Variants in NKX1-2 observed in about 807,000 individuals in gnomAD.
The protein encoded by NKX1-2 is NK1 homeobox 2, also known as NK1 transcription factor-related protein 2.
NKX1-2 carries 1 observed loss-of-function variant against 4.4 expected under a neutral mutation model. That is an observed-to-expected ratio of 0.23 (90% CI 0.08 to 1.08). The LOEUF is 1.08. Ranked by LOEUF, NKX1-2 falls within the 50% of genes least tolerant of loss-of-function variation. NKX1-2 has a pLI of 0.55. For synonymous variants in NKX1-2, 235 were observed against 228.0 expected (o/e 1.03, Z -0.28); for missense variants, 503 against 464.6 (o/e 1.08, Z -0.76).
chr10:124,449,894 T>G lies in NKX1-2; in HGVS notation c.50A>C (p.Lys17Thr), dbSNP rs1178985605. 2 of 1,550,170 alleles carry G rather than the reference T, an allele frequency of 1.3e-6. No homozygotes were observed. The highest frequency in any genetic ancestry group is 1.7e-6 in the Non-Finnish European group (2 of 1,145,924). Residue 17 changes from lysine (K) to threonine (T), a missense_variant, in exon 1 of 2, where the codon AAG becomes ACG. Transcript: ENST00000451024. This position sits in a 1 kb window ranked among gnomAD's most constrained non-coding sequence, Gnocchi z 7.5. ...GGAKAAPSHH[K>T]ISFSVLDILD... is the part of the protein sequence containing the mutation. ...GATGTCCAGGACAGAGAAAGAAATC[T>G]TGTGGTGGGAGGGAGCCGCCTTGGC...
chr10:124,448,441 G>C lies in NKX1-2; in HGVS notation c.215-294C>G. The C allele has an allele frequency of 3.2e-6, 1 of 315,692 alleles. No homozygotes were observed. Among genetic ancestry groups the C allele is most frequent in the East Asian group, 5.2e-5 (1 of 19,298 alleles). 19.6% of individuals were successfully genotyped at this position (315,692 alleles called of 1,614,324 possible). On this transcript the variant is annotated intron_variant, in intron 1 of 1. Transcript: ENST00000451024. This position sits in a 1 kb window ranked among gnomAD's most constrained non-coding sequence, Gnocchi z 4.1. Reference sequence around the variant, plus strand: ...TGACATTATTGGGTAACCATACTGGGGGGTAGGATCATTGTATTAAGACAT... The same window carrying C: ...TGACATTATTGGGTAACCATACTGGCGGGTAGGATCATTGTATTAAGACAT...
rs1424804205 is a variant in NKX1-2, at chr10:124,449,365, A to C, written c.214+365T>G. The C allele has an allele frequency of 2.0e-6, 1 of 507,042 alleles. No homozygotes were observed. The highest frequency in any genetic ancestry group is 2.3e-5 in the Admixed American group (1 of 43,900). The allele number at this position is 507,042 out of a possible 1,614,324, so 31.4% of individuals were successfully genotyped here. On this transcript the variant is annotated intron_variant, in intron 1 of 1. Coordinates refer to ENST00000451024, the MANE Select transcript of NKX1-2 (RefSeq NM_001146340.3). The surrounding 1 kb of genome is among the most constrained non-coding windows in gnomAD (Gnocchi z 7.5). ...CCATCTCTCAGGTTCCGAAGTTTTC[A>C]TCACCTTTATCCCAGCCCTTAGCCC...
rs1952265878 is a variant in NKX1-2 at position 124,448,367 on chromosome 10, G to C, written c.215-220C>G. Reference sequence around the variant, plus strand: ...AATCTGCCATCAAGTAGGCGTCCAAGAAATGTACGCCAAATGAATGAATGA... The same window carrying C: ...AATCTGCCATCAAGTAGGCGTCCAACAAATGTACGCCAAATGAATGAATGA... On this transcript the variant is annotated intron_variant, in intron 1 of 1. Coordinates refer to ENST00000451024, the MANE Select transcript of NKX1-2 (RefSeq NM_001146340.3). This position sits in a 1 kb window ranked among gnomAD's most constrained non-coding sequence, Gnocchi z 4.1. The C allele has an allele frequency of 1.7e-6, 1 of 576,668 alleles. No homozygotes were observed. Among genetic ancestry groups the C allele is most frequent in the Admixed American group, 4.3e-5 (1 of 23,156 alleles). The allele number at this position is 576,668 out of a possible 1,614,324, so 35.7% of individuals were successfully genotyped here. A position where few individuals can be genotyped will look rare whatever the true frequency, so the allele number is the denominator to read the frequency against.
rs1326291059 is a variant in NKX1-2 at position 124,445,529 on chromosome 10, T to C, written c.*1900A>G. The C allele has an allele frequency of 6.6e-6, 1 of 152,248 alleles. No homozygotes were observed. The highest frequency in any genetic ancestry group is 1.5e-5 in the Non-Finnish European group (1 of 68,050). 9.4% of individuals were successfully genotyped at this position (152,248 alleles called of 1,614,324 possible). ...GAAATGTTTCCCATTTATTACAGAATTCAGCTTCTTTGTTACAGAGGAATT... is the reference window on the plus strand; with the variant it reads ...GAAATGTTTCCCATTTATTACAGAACTCAGCTTCTTTGTTACAGAGGAATT... On this transcript the variant is annotated 3_prime_UTR_variant, in exon 2 of 2. Coordinates refer to ENST00000451024, the MANE Select transcript of NKX1-2 (RefSeq NM_001146340.3).
Position 124,449,643 on chromosome 10 carries a change from G to T in NKX1-2, c.214+87C>A, listed in dbSNP as rs538410051. 7.1e-6 allele frequency: 7 copies of T among 989,484 alleles called. No homozygotes were observed. Among genetic ancestry groups the T allele is most frequent in the African/African-American group, 6.4e-5 (4 of 62,628 alleles). 61.3% of individuals were successfully genotyped at this position (989,484 alleles called of 1,614,324 possible). On this transcript the variant is annotated intron_variant, in intron 1 of 1. Coordinates refer to ENST00000451024, the MANE Select transcript of NKX1-2 (RefSeq NM_001146340.3). The surrounding 1 kb of genome is among the most constrained non-coding windows in gnomAD (Gnocchi z 7.5). ...CTCTCTGAGGAAGACGCTGTTAAGG[G>T]CCACTCACCGGGCCCGGCTGTTCCC... is the stretch of plus-strand genomic sequence containing the variant.
chr10:124,448,060 G>T lies in NKX1-2; in HGVS notation c.302C>A (p.Pro101Gln). 5 of 1,519,958 alleles carry T rather than the reference G, an allele frequency of 3.3e-6. No individual in the cohort carries two copies. Among genetic ancestry groups the T allele is most frequent in the Non-Finnish European group, 4.4e-6 (5 of 1,139,140 alleles). 94.2% of individuals were successfully genotyped at this position (1,519,958 alleles called of 1,614,324 possible). ...GCGCGCAGCCCGCTCCCGCAGCCGC[G>T]GCCTCCTCGGATCCTCCGCATCCTC... is the stretch of plus-strand genomic sequence containing the variant. ...EEEDAEDPRR[P>Q]RLRERAARLL... The change falls in exon 2 of 2, where the codon CCG (proline) becomes CAG (glutamine). Residue 101 changes from proline (P) to glutamine (Q), a missense_variant. By Grantham distance (76) the Pro-to-Gln change is moderately conservative. Coordinates refer to ENST00000451024, the MANE Select transcript of NKX1-2 (RefSeq NM_001146340.3). This position sits in a 1 kb window ranked among gnomAD's most constrained non-coding sequence, Gnocchi z 4.1.
At position 124,448,229 on chromosome 10, in the gene NKX1-2, C is replaced by A; in HGVS notation, c.215-82G>T. Reference sequence around the variant, plus strand: ...CGTCCTCCCTAGAGCAAGCAGCTGTCCCCCCAACCCAACTCTGGGTGCTGC... The same window carrying A: ...CGTCCTCCCTAGAGCAAGCAGCTGTACCCCCAACCCAACTCTGGGTGCTGC... On this transcript the variant is annotated intron_variant, in intron 1 of 1. Coordinates refer to ENST00000451024, the MANE Select transcript of NKX1-2 (RefSeq NM_001146340.3). The surrounding 1 kb of genome is among the most constrained non-coding windows in gnomAD (Gnocchi z 4.1). The A allele has an allele frequency of 7.4e-7, 1 of 1,349,198 alleles. No individual in the cohort carries two copies. The highest frequency in any genetic ancestry group is 9.5e-7 in the Non-Finnish European group (1 of 1,054,818). The allele number at this position is 1,349,198 out of a possible 1,614,324, so 83.6% of individuals were successfully genotyped here.
chr10:124,447,668 C>G lies in NKX1-2; in HGVS notation c.694G>C (p.Gly232Arg). ...GCCCCTGGCTGGGGCGCGCCACCCC[C>G]CACCTGCGCCGCGCCGTCGGCACCC... ...NPGADGAAQV[G>R]GGAPQPGAAG... is the part of the protein sequence containing the mutation. Residue 232 changes from glycine (G) to arginine (R), a missense_variant, in exon 2 of 2, where the codon GGG (glycine) becomes CGG (arginine). Gly to Arg is a moderately radical substitution (Grantham distance 125, BLOSUM62 -2). Transcript: ENST00000451024. 7.2e-7 allele frequency: 1 copy of G among 1,385,274 alleles called. No individual in the cohort carries two copies. The highest frequency in any genetic ancestry group is 9.4e-7 in the Non-Finnish European group (1 of 1,058,534). 85.8% of individuals were successfully genotyped at this position (1,385,274 alleles called of 1,614,324 possible). A position where few individuals can be genotyped will look rare whatever the true frequency, so the allele number is the denominator to read the frequency against.
rs1952256888 is a variant in NKX1-2, at chr10:124,447,802, T to C, written c.560A>G (p.Tyr187Cys). 6.7e-7 allele frequency: 1 copy of C among 1,483,128 alleles called. No individual in the cohort carries two copies. Among genetic ancestry groups the C allele is most frequent in the Admixed American group, 2.2e-5 (1 of 44,560 alleles). 91.9% of individuals were successfully genotyped at this position (1,483,128 alleles called of 1,614,324 possible). A position where few individuals can be genotyped will look rare whatever the true frequency, so the allele number is the denominator to read the frequency against. The change falls in exon 2 of 2, where the codon TAC becomes TGC. Residue 187 changes from tyrosine (Y) to cysteine (C), a missense_variant. Coordinates refer to ENST00000451024, the MANE Select transcript of NKX1-2 (RefSeq NM_001146340.3). ...ALENKFRATRYLSVCERLNLA... is the reference protein window; with the variant it reads ...ALENKFRATRCLSVCERLNLA... ...GTTCAGGCGCTCGCACACTGACAGG[T>C]AGCGCGTGGCCCGGAACTTGTTCTC...
Position 124,447,858 on chromosome 10 carries a change from G to T in NKX1-2, c.504C>A (p.Thr168=), listed in dbSNP as rs1366134737. 1.4e-6 allele frequency: 2 copies of T among 1,452,752 alleles called. No individual in the cohort carries two copies. The highest frequency in any genetic ancestry group is 2.5e-5 in the Admixed American group (1 of 40,402). The allele number at this position is 1,452,752 out of a possible 1,614,324, so 90.0% of individuals were successfully genotyped here. A position where few individuals can be genotyped will look rare whatever the true frequency, so the allele number is the denominator to read the frequency against. The change falls in exon 2 of 2, where the codon ACC becomes ACA. Residue 168 remains threonine (T), a synonymous_variant. Transcript: ENST00000451024. The part of the protein sequence containing the change: ...PNCAKPRRAR[T]AFTYEQLVAL... Reference sequence around the variant, plus strand: ...CCACCAGCTGCTCGTAGGTGAAGGCGGTGCGCGCGCGCCGCGGCTTGGCGC... The same window carrying T: ...CCACCAGCTGCTCGTAGGTGAAGGCTGTGCGCGCGCGCCGCGGCTTGGCGC...
At position 124,449,862 on chromosome 10, in the gene NKX1-2, G is replaced by T; in HGVS notation, c.82C>A (p.Pro28Thr). 6.4e-7 allele frequency: 1 copy of T among 1,551,590 alleles called. No individual in the cohort carries two copies. Among genetic ancestry groups the T allele is most frequent in the African/African-American group, 1.4e-5 (1 of 73,180 alleles). Residue 28 changes from proline to threonine, a missense_variant, in exon 1 of 2, where the codon CCA becomes ACA. Physicochemically the swap from Pro to Thr is conservative, Grantham distance 38. Coordinates refer to ENST00000451024, the MANE Select transcript of NKX1-2 (RefSeq NM_001146340.3). The surrounding 1 kb of genome is among the most constrained non-coding windows in gnomAD (Gnocchi z 7.5). ...AGCGCTGCGCGGGTGAATTTCTGTG[G>T]GTCCAGGATGTCCAGGACAGAGAAA... ...ISFSVLDILD[P>T]QKFTRAALPA... is the part of the protein sequence containing the mutation.
At position 124,447,474 on chromosome 10, in the gene NKX1-2, G is replaced by A. The variant is rs1273830933; in HGVS notation, c.888C>T (p.Phe296=). 1.5e-5 allele frequency: 19 copies of A among 1,268,380 alleles called. No individual in the cohort carries two copies. Among genetic ancestry groups the A allele is most frequent in the Non-Finnish European group, 1.9e-5 (19 of 1,002,244 alleles). The allele number at this position is 1,268,380 out of a possible 1,614,324, so 78.6% of individuals were successfully genotyped here. A position where few individuals can be genotyped will look rare whatever the true frequency, so the allele number is the denominator to read the frequency against. ...AAAPGSPFAP[F]LGPSYLTPFY... is the part of the protein sequence containing the mutation. Reference sequence around the variant, plus strand: ...AGGGGGTCAGGTAGGAAGGCCCAAGGAACGGCGCGAAAGGGCTCCCGGGGG... The same window carrying A: ...AGGGGGTCAGGTAGGAAGGCCCAAGAAACGGCGCGAAAGGGCTCCCGGGGG... The change falls in exon 2 of 2, where the codon TTC becomes TTT. Residue 296 remains phenylalanine, a synonymous_variant. Transcript: ENST00000451024.
At position 124,445,533 on chromosome 10, in the gene NKX1-2, G is replaced by C. The variant is rs1392270569; in HGVS notation, c.*1896C>G. 6.6e-6 allele frequency: 1 copy of C among 152,204 alleles called. No homozygotes were observed. The highest frequency in any genetic ancestry group is 1.5e-5 in the Non-Finnish European group (1 of 68,044). The allele number at this position is 152,204 out of a possible 1,614,324, so 9.4% of individuals were successfully genotyped here. A position where few individuals can be genotyped will look rare whatever the true frequency, so the allele number is the denominator to read the frequency against. ...TGTTTCCCATTTATTACAGAATTCA[G>C]CTTCTTTGTTACAGAGGAATTGTCA... On this transcript the variant is annotated 3_prime_UTR_variant, in exon 2 of 2. Transcript: ENST00000451024.
rs1952260343 is a variant in NKX1-2, at chr10:124,447,953, C to T, written c.409G>A (p.Gly137Ser). ...GATCCCGGGGGGGACCTCACAGGGC[C>T]GCCCCCGCCGTCCTCGCAGGGCTCC... Reference protein sequence around the residue: ...SGEPCEDGGGGPVRSPPGSPG... With the variant: ...SGEPCEDGGGSPVRSPPGSPG... Residue 137 changes from glycine to serine, a missense_variant, in exon 2 of 2, where the codon GGC becomes AGC. Physicochemically the swap from Gly to Ser is moderately conservative, Grantham distance 56 (BLOSUM62 0). Transcript: ENST00000451024. The T allele has an allele frequency of 2.8e-6, 4 of 1,406,738 alleles. No individual in the cohort carries two copies. The highest frequency in any genetic ancestry group is 1.5e-5 in the South Asian group (1 of 64,654). 87.1% of individuals were successfully genotyped at this position (1,406,738 alleles called of 1,614,324 possible).
Position 124,447,568 on chromosome 10 carries a change from G to C in NKX1-2, c.794C>G (p.Thr265Ser), listed in dbSNP as rs933949243. The change falls in exon 2 of 2, where the codon ACT (threonine) becomes AGT (serine). Residue 265 changes from threonine (T) to serine (S), a missense_variant. Transcript: ENST00000451024. ...ATTGGCCGCGGAGTAGGAGGGGAAA[G>C]TCTGGAAGTGCAGAGCGCCGGTGCC... ...PPGTGALHFQ[T>S]FPSYSAANVL... 7 of 1,273,072 alleles carry C rather than the reference G, an allele frequency of 5.5e-6. No individual in the cohort carries two copies. The highest frequency in any genetic ancestry group is 5.0e-6 in the Non-Finnish European group (5 of 1,007,724). 78.9% of individuals were successfully genotyped at this position (1,273,072 alleles called of 1,614,324 possible).
rs2133792618 is a variant in NKX1-2 at position 124,449,644 on chromosome 10, C to T, written c.214+86G>A. 1 of 1,000,230 alleles carries T rather than the reference C, an allele frequency of 1.0e-6. No homozygotes were observed. The highest frequency in any genetic ancestry group is 1.5e-6 in the Non-Finnish European group (1 of 653,572). The allele number at this position is 1,000,230 out of a possible 1,614,324, so 62.0% of individuals were successfully genotyped here. On this transcript the variant is annotated intron_variant, in intron 1 of 1. Coordinates refer to ENST00000451024, the MANE Select transcript of NKX1-2 (RefSeq NM_001146340.3). This position sits in a 1 kb window ranked among gnomAD's most constrained non-coding sequence, Gnocchi z 7.5. ...TCTCTGAGGAAGACGCTGTTAAGGG[C>T]CACTCACCGGGCCCGGCTGTTCCCC...
At position 124,445,726 on chromosome 10, in the gene NKX1-2, G is replaced by A. The variant is rs774290427; in HGVS notation, c.*1703C>T. ...TTAGAAAGTTACAATGTGTTGTTTGGGGGACATTCTTCTTTAGAAGGAAAA... is the reference window on the plus strand; with the variant it reads ...TTAGAAAGTTACAATGTGTTGTTTGAGGGACATTCTTCTTTAGAAGGAAAA... On this transcript the variant is annotated 3_prime_UTR_variant, in exon 2 of 2. Coordinates refer to ENST00000451024, the MANE Select transcript of NKX1-2 (RefSeq NM_001146340.3). The A allele has an allele frequency of 2.6e-5, 4 of 152,062 alleles. No homozygotes were observed. The highest frequency in any genetic ancestry group is 5.9e-5 in the Non-Finnish European group (4 of 68,012). 9.4% of individuals were successfully genotyped at this position (152,062 alleles called of 1,614,324 possible).
Position 124,448,124 on chromosome 10 carries a change from G to C in NKX1-2, c.238C>G (p.Gln80Glu). ...TCGGAACCCTCCAGGGGGGACGCCT[G>C]GCCGGCGCCTGGGCCCGCAGCATCT... ...TPDAAGPGAGQASPLEGSEAE... is the reference protein window; with the variant it reads ...TPDAAGPGAGEASPLEGSEAE... The change falls in exon 2 of 2, where the codon CAG (glutamine) becomes GAG (glutamate). Residue 80 changes from glutamine to glutamate, a missense_variant. By Grantham distance (29) the Gln-to-Glu change is conservative. Coordinates refer to ENST00000451024, the MANE Select transcript of NKX1-2 (RefSeq NM_001146340.3). This position sits in a 1 kb window ranked among gnomAD's most constrained non-coding sequence, Gnocchi z 4.1. The C allele has an allele frequency of 6.7e-7, 1 of 1,494,610 alleles. No homozygotes were observed. Among genetic ancestry groups the C allele is most frequent in the Non-Finnish European group, 8.9e-7 (1 of 1,128,546 alleles). 92.6% of individuals were successfully genotyped at this position (1,494,610 alleles called of 1,614,324 possible).
Position 124,447,705 on chromosome 10 carries a change from CT to C in NKX1-2, c.656del (p.Lys219ArgfsTer66). 1 of 1,455,206 alleles carries C rather than the reference CT, an allele frequency of 6.9e-7. No individual in the cohort carries two copies. 90.1% of individuals were successfully genotyped at this position (1,455,206 alleles called of 1,614,324 possible). On this transcript the variant is annotated frameshift_variant, in exon 2 of 2. Coordinates refer to ENST00000451024, the MANE Select transcript of NKX1-2 (RefSeq NM_001146340.3). LOFTEE classifies it low-confidence loss of function (END_TRUNC). ...IWFQNRRTKW[K>X]KQNPGADGAA... ...CGCCGTCGGCACCCGGGTTCTGCTT[CT>C]TCCACTTGGTCCTGCGATTCTGGAA...
Sources: allele counts gnomAD v4.1 joint callset, GRCh38; gene constraint gnomAD v4.1.1; non-coding constraint Gnocchi (gnomAD v3.1); transcripts MANE v1.5; gene names NCBI Gene and HGNC (gene_info 2026-07-23, HGNC 2026-07-21).